The following ADAMTSL1 variants were observed in gnomAD, a reference collection of about 807,000 sequenced individuals.
ADAMTSL1 encodes the protein ADAMTS like 1, also known as ADAMTS-like protein 1.
A neutral mutation model predicts 201.8 loss-of-function variants in ADAMTSL1; 126 were observed. That is an observed-to-expected ratio of 0.62 (90% CI 0.54 to 0.72). The LOEUF (loss-of-function observed/expected upper bound fraction) is 0.72, where lower values mean the gene tolerates loss of function less well. Ranked by LOEUF, ADAMTSL1 falls within the 30% of genes least tolerant of loss-of-function variation. The pLI, the probability that ADAMTSL1 is intolerant of heterozygous loss-of-function variation, is 0.00. For missense variants in ADAMTSL1, 2,679 were observed against 2,277.8 expected, an observed-to-expected ratio of 1.18 and a Z score of -3.59; for synonymous variants, 1,121 against 903.4, an observed-to-expected ratio of 1.24 and a Z score of -4.32.
At chr9:18,687,699 C>T (rs1830919156) in intron 13 of ADAMTSL1, among the ~76,000 whole-genome samples, 1 of 152,024 alleles carries the variant, frequency 6.6e-6, no homozygotes, top group Non-Finnish European at 1.5e-5. Flanking sequence ...TTTAGTAAAC[C>T]CAAAATGTAA....
At chr9:18,888,384 T>TCA (rs778849416) in intron 24 of ADAMTSL1, among the ~76,000 whole-genome samples, 1 of 152,360 alleles carries the variant, frequency 6.6e-6, no homozygotes, top group Non-Finnish European at 1.5e-5. Context: ...AGTACAGATC[T>TCA]CACACACACA....
chr9:18,832,315 T>G (rs1349631171), intron 23 of ADAMTSL1, among the ~76,000 whole-genome samples: 1 of 152,182 alleles, frequency 6.6e-6, no homozygotes, highest in Non-Finnish European at 1.5e-5. Context: ...CAGTGTGCGC[T>G]CTGGGTATGA....
chr9:18,190,839 C>T (rs147736447), intron 2 of ADAMTSL1, among the ~76,000 whole-genome samples: 158 of 152,270 alleles, frequency 1.0e-3, no homozygotes, highest in African/African-American at 3.3e-3. Flanking sequence ...AAGACCAGTT[C>T]TGACCACCCA....
chr9:18,621,556 CCACACACACACACACA>C (rs57351480), intron 4 of ADAMTSL1, among the ~76,000 whole-genome samples: 3,299 of 143,710 alleles, frequency 0.023, 91 homozygotes, highest in African/African-American at 0.061. Flanking sequence ...CCGTCCTCTT[CCACACACACACACACA>C]CACACACACA....
intron 2 of ADAMTSL1, among the ~76,000 whole-genome samples, chr9:18,333,214 T>G (rs956368409): frequency 1.4e-4 from 21 of 152,324 alleles, no homozygotes; most frequent in African/African-American, 4.8e-4. Flanking sequence ...CACCTAAATC[T>G]CATCTTGAAT....
intron 2 of ADAMTSL1, among the ~76,000 whole-genome samples, chr9:18,170,972 G>A (rs1338443240): frequency 6.6e-6 from 1 of 152,004 alleles, no homozygotes; most frequent in Non-Finnish European, 1.5e-5. Flanking sequence ...AAAGATTATG[G>A]GATCTAATAA....
At chr9:18,887,580 A>G (rs1828979120) in intron 23 of ADAMTSL1, among the ~76,000 whole-genome samples, 1 of 152,340 alleles carries the variant, frequency 6.6e-6, no homozygotes, top group African/African-American at 2.4e-5. Flanking sequence ...ATAGGGACAT[A>G]AACAGAAAGA....
chr9:18,788,446 G>T (rs976534960), intron 19 of ADAMTSL1, among the ~76,000 whole-genome samples: 2 of 146,572 alleles, frequency 1.4e-5, no homozygotes, highest in African/African-American at 5.1e-5. Context: ...GGCCCCGGTA[G>T]ATTCCTGGAT....
At chr9:18,179,359 A>G (rs1191728994) in intron 2 of ADAMTSL1, among the ~76,000 whole-genome samples, 3 of 152,236 alleles carry the variant, frequency 2.0e-5, no homozygotes. Context: ...GAAGCCTCCA[A>G]GAAATATGGG....
At chr9:18,151,499 A>T (rs1826910908) in intron 1 of ADAMTSL1, among the ~76,000 whole-genome samples, 1 of 151,528 alleles carries the variant, frequency 6.6e-6, no homozygotes, top group Admixed American at 6.6e-5. Context: ...ACTGTATTTG[A>T]TTATTTGAAG....
At chr9:18,488,978 T>G (rs1822133139) in intron 1 of ADAMTSL1, among the ~76,000 whole-genome samples, 1 of 152,198 alleles carries the variant, frequency 6.6e-6, no homozygotes, top group South Asian at 2.1e-4. Context: ...TCATAAATGC[T>G]TGTCTAATTT....
chr9:17,991,045 A>G (rs1459198985), intron 1 of ADAMTSL1, among the ~76,000 whole-genome samples: 4 of 152,174 alleles, frequency 2.6e-5, no homozygotes, highest in Non-Finnish European at 5.9e-5. Flanking sequence ...ACTTTTTTTC[A>G]AGAGTTAGTT....
intron 1 of ADAMTSL1, among the ~76,000 whole-genome samples, chr9:18,110,631 C>A (rs1039050586): frequency 6.6e-6 from 1 of 152,188 alleles, no homozygotes; most frequent in African/African-American, 2.4e-5. Context: ...ATTGGAGCAG[C>A]TGCTCTTCTT....
At chr9:17,908,315 G>T (rs879252321) in intron 1 of ADAMTSL1, among the ~76,000 whole-genome samples, 2 of 152,138 alleles carry the variant, frequency 1.3e-5, no homozygotes, top group Non-Finnish European at 2.9e-5. Flanking sequence ...AATTTCCTGC[G>T]TTAGGGCCAC....
Position 18,104,251 on chromosome 9 carries a change from C to A in ADAMTSL1, c.88-59611C>A, listed in dbSNP as rs759996609. On this transcript the variant is annotated intron_variant, in intron 1 of 29. Transcript: ENST00000680146. ...CTGCTGAATGATCTTACGTGATATA[C>A]CACTAGCAGTGTAGTCGCAATCCCG... is the stretch of plus-strand genomic sequence containing the variant. Among the ~76,000 whole-genome samples, 4 of 152,230 alleles carry A rather than the reference C, an allele frequency of 2.6e-5. No homozygotes were observed. In the East Asian group the frequency reaches 7.7e-4, roughly 29 times the overall value.
chr9:18,243,523 C>G (rs1476108270), intron 2 of ADAMTSL1, among the ~76,000 whole-genome samples: 1 of 151,872 alleles, frequency 6.6e-6, no homozygotes, highest in African/African-American at 2.4e-5. Flanking sequence ...AAACTCTTTC[C>G]TCCCTCAGCC....
At chr9:18,892,678 C>T (rs1324306262) in intron 26 of ADAMTSL1, 82 bp downstream of exon 26, 1 of 1,420,106 alleles carries the variant, frequency 7.0e-7, no homozygotes, top group Non-Finnish European at 9.5e-7. Flanking sequence ...AATGCTATCA[C>T]TGCCACTGCC....
chr9:18,183,470 AGACATCT>A (rs1828590248), intron 2 of ADAMTSL1, among the ~76,000 whole-genome samples: 1 of 152,224 alleles, frequency 6.6e-6, no homozygotes, highest in African/African-American at 2.4e-5. Flanking sequence ...TATTTGCAGA[AGACATCT>A]GAAAAAGCAT....
chr9:18,510,490 A>C (rs1345942608), intron 2 of ADAMTSL1, among the ~76,000 whole-genome samples: 1 of 152,132 alleles, frequency 6.6e-6, no homozygotes, highest in Non-Finnish European at 1.5e-5. Flanking sequence ...ACTGAGTAGA[A>C]TCCTTTCCTT....
Sources: gnomAD v4.1 joint callset for allele counts (sites outside exome capture counted in the v4.1 genomes callset) on GRCh38, gnomAD v4.1.1 for gene constraint, MANE v1.5 for transcripts, NCBI Gene and HGNC (gene_info 2026-07-23, HGNC 2026-07-21) for gene names.